Variants in CHP1 observed in about 807,000 individuals in gnomAD.
The protein encoded by CHP1 is calcineurin B homologous protein 1.
Under a neutral mutation model 27.4 loss-of-function variants are expected in CHP1, and 11 were observed. That is an observed-to-expected ratio of 0.40 (90% CI 0.25 to 0.67). CHP1 has a LOEUF of 0.67. Among genes scored for constraint, CHP1 ranks in the 30% least tolerant of loss-of-function variants. The pLI is 0.38. For synonymous variants in CHP1, 89 were observed against 87.4 expected (o/e 1.02, Z -0.10); for missense variants, 169 against 251.3 (o/e 0.67, Z 2.22).
intron 5 of CHP1, among the ~76,000 whole-genome samples, chr15:41,276,640 T>C (rs1161627637): frequency 1.3e-5 from 2 of 152,170 alleles, no homozygotes; most frequent in African/African-American, 4.8e-5. Context: ...AGCCTTTTAA[T>C]TGTGCTTGTT....
At position 41,243,617 on chromosome 15, in the gene CHP1, G is replaced by A. The variant is rs376067445; in HGVS notation, c.68-50G>A. 175 of 1,523,200 alleles carry A rather than the reference G, an allele frequency of 1.1e-4. 1 individual carries two copies. The highest frequency in any genetic ancestry group is 6.4e-4 in the South Asian group (57 of 88,546). 94.4% of individuals were successfully genotyped at this position (1,523,200 alleles called of 1,614,324 possible). The stretch of plus-strand genomic sequence containing the variant: ...TTTGACAGCGAGGGGTGGGTTCAGT[G>A]TGAATGAGGGCTACTTCCCCCGAGC... On this transcript the variant is annotated intron_variant, in intron 1 of 6. Coordinates refer to ENST00000334660, the MANE Select transcript of CHP1 (RefSeq NM_007236.5).
At position 41,247,049 on chromosome 15, in the gene CHP1, C is replaced by T. The variant is rs541182077; in HGVS notation, c.140+3310C>T. On this transcript the variant is annotated intron_variant, in intron 2 of 6. Coordinates refer to ENST00000334660, the MANE Select transcript of CHP1 (RefSeq NM_007236.5). ...AAAAAAATGTTGAAAACTTTCCAGG[C>T]GTCAGTGTAGCCTGCTCCTTAAAAT... Among the ~76,000 whole-genome samples, 4 of 150,940 alleles carry T rather than the reference C, an allele frequency of 2.7e-5. No homozygotes were observed. In the South Asian group the frequency reaches 8.4e-4, roughly 32 times the overall value.
At chr15:41,268,039 A>G (rs770169859) in intron 4 of CHP1, among the ~76,000 whole-genome samples, 29 of 151,992 alleles carry the variant, frequency 1.9e-4, no homozygotes, top group Admixed American at 3.3e-4. Flanking sequence ...GCCAGGTACT[A>G]TTTTAGGCCC....
rs1214633208 is a variant in CHP1 at position 41,280,505 on chromosome 15, A to T, written c.*1116A>T. On this transcript the variant is annotated 3_prime_UTR_variant, in exon 7 of 7. Transcript: ENST00000334660. Reference sequence around the variant, plus strand: ...GGAAGTGCCTAATATCCCAGTCCAAATTTTTTTTTTTTTTTTTTTTTTTTT... The same window carrying T: ...GGAAGTGCCTAATATCCCAGTCCAATTTTTTTTTTTTTTTTTTTTTTTTTT... 64 of 111,354 alleles carry T rather than the reference A, an allele frequency of 5.7e-4. 2 individuals are homozygous for T. Among genetic ancestry groups the T allele is most frequent in the Admixed American group, 8.0e-4 (7 of 8,748 alleles). 6.9% of individuals were successfully genotyped at this position (111,354 alleles called of 1,614,324 possible). A position where few individuals can be genotyped will look rare whatever the true frequency, so the allele number is the denominator to read the frequency against.
chr15:41,258,287 C>G (rs1284462654), intron 3 of CHP1, among the ~76,000 whole-genome samples: 1 of 152,186 alleles, frequency 6.6e-6, no homozygotes. Context: ...TAGGGACATT[C>G]TTTTACATAT....
intron 2 of CHP1, among the ~76,000 whole-genome samples, chr15:41,254,718 G>C (rs1332261345): frequency 6.6e-6 from 1 of 152,208 alleles, no homozygotes; most frequent in African/African-American, 2.4e-5. Flanking sequence ...AAATGTGGTG[G>C]AGAAGAGCTT....
In CHP1 at chr15:41,278,865, C is replaced by G; in HGVS notation, c.510C>G (p.Ala170=). 1.2e-6 allele frequency: 2 copies of G among 1,614,134 alleles called. No individual in the cohort carries two copies. The highest frequency in any genetic ancestry group is 1.1e-5 in the South Asian group (1 of 91,084). ...IQEADQDGDS[A]ISFTEFVKVL... is the part of the protein sequence containing the mutation. Reference sequence around the variant, plus strand: ...AGGCTGATCAGGATGGGGACAGTGCCATATCTTTCACAGAATTTGTTAAGG... The same window carrying G: ...AGGCTGATCAGGATGGGGACAGTGCGATATCTTTCACAGAATTTGTTAAGG... Residue 170 remains alanine (A), a synonymous_variant, in exon 6 of 7, where the codon GCC becomes GCG. Coordinates refer to ENST00000334660, the MANE Select transcript of CHP1 (RefSeq NM_007236.5).
chr15:41,254,242 T>C (rs1227564328), intron 2 of CHP1, among the ~76,000 whole-genome samples: 1 of 152,202 alleles, frequency 6.6e-6, no homozygotes. Flanking sequence ...CACCTCCTTA[T>C]TGAGACTGAA....
rs150725210 is a variant in CHP1 at position 41,242,597 on chromosome 15, C to T, written c.68-1070C>T. ...TTGTACCACTGCACTCCAGCCTGGG[C>T]GACAAAGTTGAGGCTCTGTCCCCCA... On this transcript the variant is annotated intron_variant, in intron 1 of 6. Transcript: ENST00000334660. Among the ~76,000 whole-genome samples, 536 of 151,300 alleles carry T rather than the reference C, an allele frequency of 3.5e-3. 4 individuals are homozygous for T. The highest frequency in any genetic ancestry group is 0.013 in the African/African-American group (517 of 41,204).
chr15:41,255,500 C>G (rs966269100), intron 2 of CHP1, among the ~76,000 whole-genome samples: 1 of 151,536 alleles, frequency 6.6e-6, no homozygotes, highest in Non-Finnish European at 1.5e-5. Context: ...TGGTAAAACC[C>G]CACCTCTACT....
chr15:41,276,477 A>G lies in CHP1; in HGVS notation c.412-2290A>G, dbSNP rs2047520113. 2.0e-5 allele frequency among the ~76,000 whole-genome samples: 3 copies of G among 152,162 alleles called. No homozygotes were observed. The South Asian group carries it at 6.2e-4, about 32-fold the overall frequency. On this transcript the variant is annotated intron_variant, in intron 5 of 6. Coordinates refer to ENST00000334660, the MANE Select transcript of CHP1 (RefSeq NM_007236.5). ...GCCTTTCCATATTGCCTGACAGTCAAATTGTTAAAGTTGCTTATTTTGTTT... is the reference window on the plus strand; with the variant it reads ...GCCTTTCCATATTGCCTGACAGTCAGATTGTTAAAGTTGCTTATTTTGTTT...
At chr15:41,258,018 C>A (rs1024392359) in intron 3 of CHP1, among the ~76,000 whole-genome samples, 1 of 152,182 alleles carries the variant, frequency 6.6e-6, no homozygotes, top group African/African-American at 2.4e-5. Flanking sequence ...ACTCTACATA[C>A]CCTCTCTTGC....
chr15:41,266,835 A>T (rs948515582), intron 4 of CHP1, among the ~76,000 whole-genome samples: 3 of 152,082 alleles, frequency 2.0e-5, no homozygotes, highest in African/African-American at 7.2e-5. Context: ...TCCCATCTCT[A>T]CTAAAAATAC....
chr15:41,241,685 G>GC (rs2047307822), intron 1 of CHP1, among the ~76,000 whole-genome samples: 1 of 152,202 alleles, frequency 6.6e-6, no homozygotes, highest in African/African-American at 2.4e-5. Context: ...ACAGAACAGA[G>GC]CCCAGCTTCG....
At chr15:41,267,714 G>A (rs947364196) in intron 4 of CHP1, among the ~76,000 whole-genome samples, 2 of 151,180 alleles carry the variant, frequency 1.3e-5, no homozygotes, top group African/African-American at 4.9e-5. Flanking sequence ...TAAAGGTAAA[G>A]GTTTGTAGCC....
At chr15:41,250,547 G>A (rs979562013) in intron 2 of CHP1, among the ~76,000 whole-genome samples, 3 of 151,316 alleles carry the variant, frequency 2.0e-5, no homozygotes, top group African/African-American at 7.3e-5. Context: ...AGCCTGGGCA[G>A]TAAGAGTGAA....
chr15:41,274,183 A>G (rs571353119), intron 5 of CHP1, among the ~76,000 whole-genome samples: 1 of 151,680 alleles, frequency 6.6e-6, no homozygotes, highest in South Asian at 2.1e-4. Flanking sequence ...CTGGTCTTGA[A>G]CTCCTGACCT....
chr15:41,278,967 C>CT (rs2047532865), intron 6 of CHP1, 78 bp downstream of exon 6: 1 of 1,567,970 alleles, frequency 6.4e-7, no homozygotes, highest in Admixed American at 1.8e-5. Context: ...AATCCCAGCA[C>CT]TTTAGGAGGC....
chr15:41,276,672 A>G (rs2047520831), intron 5 of CHP1, among the ~76,000 whole-genome samples: 1 of 152,196 alleles, frequency 6.6e-6, no homozygotes, highest in South Asian at 2.1e-4. Flanking sequence ...AAGGGGATTT[A>G]GCATTTAACT....
Sources: allele counts gnomAD v4.1 joint callset (sites outside exome capture counted in the v4.1 genomes callset), GRCh38; gene constraint gnomAD v4.1.1; transcripts MANE v1.5; gene names NCBI Gene and HGNC (gene_info 2026-07-23, HGNC 2026-07-21).